PRH1: variants seen among roughly 807,000 people sequenced by gnomAD.
PRH1 encodes proline rich protein HaeIII subfamily 1.
Under a neutral mutation model 7.9 loss-of-function variants are expected in PRH1, and 7 were observed. The observed-to-expected ratio is 0.89, with a 90% CI of 0.50 to 1.67. The LOEUF is 1.67. PRH1 is among the 40% of genes most tolerant of loss of function. PRH1 has a pLI of 0.00. For synonymous variants in PRH1, 45 were observed against 80.8 expected, an observed-to-expected ratio of 0.56 and a Z score of 2.38; for missense variants, 109 against 223.6, an observed-to-expected ratio of 0.49 and a Z score of 3.27.
chr12:11,107,776 A>C (rs34423519), intron 1 of PRH1, among the ~76,000 whole-genome samples: 31,992 of 152,228 alleles, frequency 0.21, 3,952 homozygotes, highest in Non-Finnish European at 0.27. Context: ...AAAAGGGACT[A>C]CTGCAATTTG....
intron 2 of PRH1, among the ~76,000 whole-genome samples, chr12:10,903,165 A>T (rs1361352286): frequency 6.6e-6 from 1 of 152,220 alleles, no homozygotes; most frequent in African/African-American, 2.4e-5. Flanking sequence ...TTGTAGAAGG[A>T]TCTGTAACAC....
chr12:10,941,843 G>A (rs2135894430), intron 2 of PRH1, among the ~76,000 whole-genome samples: 1 of 152,222 alleles, frequency 6.6e-6, no homozygotes, highest in East Asian at 1.9e-4. Flanking sequence ...CTCCTCATTT[G>A]GGTAGGCTCT....
chr12:10,970,218 A>G (rs1353133057), intron 2 of PRH1, among the ~76,000 whole-genome samples: 1 of 152,212 alleles, frequency 6.6e-6, no homozygotes, highest in Non-Finnish European at 1.5e-5. Flanking sequence ...TTTTTTCTCT[A>G]ATAGAGAGCC....
Position 10,882,663 on chromosome 12 carries a change from G to C in PRH1, c.136C>G (p.Arg46Gly), listed in dbSNP as rs375938240. ...TGTCCTCCCAAAGGTGGTCCCTGACGCTCCTCATCTAGGAACTGCTCAGAG... is the reference window on the plus strand; with the variant it reads ...TGTCCTCCCAAAGGTGGTCCCTGACCCTCCTCATCTAGGAACTGCTCAGAG... ...GDSEQFLDEE[R>G]QGPPLGGQQS... The change falls in exon 3 of 4, where the codon CGT becomes GGT. Residue 46 changes from arginine (R) to glycine (G), a missense_variant. Coordinates refer to ENST00000543626, the MANE Select transcript of PRH1 (RefSeq NM_001393989.1). The C allele has an allele frequency of 6.3e-7, 1 of 1,581,612 alleles. No individual in the cohort carries two copies. The highest frequency in any genetic ancestry group is 1.3e-5 in the African/African-American group (1 of 74,540).
intron 2 of PRH1, among the ~76,000 whole-genome samples, chr12:10,971,857 T>A (rs969543344): frequency 1.3e-5 from 2 of 152,190 alleles, no homozygotes; most frequent in East Asian, 3.8e-4. Context: ...ATTACTCTTT[T>A]ATCATTCTAT....
chr12:11,128,993 G>A (rs1050498536), intron 1 of PRH1, among the ~76,000 whole-genome samples: 1 of 152,098 alleles, frequency 6.6e-6, no homozygotes, highest in Non-Finnish European at 1.5e-5. Flanking sequence ...CACAATCATA[G>A]CCCACTGCAG....
intron 2 of PRH1, among the ~76,000 whole-genome samples, chr12:10,926,883 G>A (rs192604506): frequency 6.6e-6 from 1 of 152,296 alleles, no homozygotes; most frequent in Non-Finnish European, 1.5e-5. Context: ...CAGGACCTCA[G>A]AATGTGAACA....
chr12:11,158,526 T>C (rs1947320395), intron 1 of PRH1, among the ~76,000 whole-genome samples: 2 of 152,180 alleles, frequency 1.3e-5, no homozygotes, highest in African/African-American at 2.4e-5. Flanking sequence ...TAAATGTTTA[T>C]CTTTTTCTCC....
intron 1 of PRH1, among the ~76,000 whole-genome samples, chr12:11,040,755 T>C (rs1942673163): frequency 6.6e-6 from 1 of 152,148 alleles, no homozygotes; most frequent in Non-Finnish European, 1.5e-5. Context: ...GACAGTACAA[T>C]AAGATATTAA....
At chr12:11,156,073 CCTTCTTGCAT>C (rs967375934) in intron 1 of PRH1, among the ~76,000 whole-genome samples, 3 of 152,112 alleles carry the variant, frequency 2.0e-5, no homozygotes, top group African/African-American at 7.2e-5. Flanking sequence ...TATTTTCATT[CCTTCTTGCAT>C]CTTCAACTTT....
chr12:11,020,345 G>A (rs1440454293), intron 1 of PRH1, among the ~76,000 whole-genome samples: 3 of 121,990 alleles, frequency 2.5e-5, no homozygotes, highest in Non-Finnish European at 5.1e-5. Context: ...ATTGTACTAG[G>A]GAGGACGTAT....
At chr12:11,036,352 T>C (rs916804340) in intron 1 of PRH1, among the ~76,000 whole-genome samples, 2 of 152,224 alleles carry the variant, frequency 1.3e-5, no homozygotes, top group African/African-American at 4.8e-5. Context: ...CTGGTGCTTC[T>C]ATGGAATTCC....
intron 2 of PRH1, chr12:10,938,637 A>T (rs1950334874): frequency 6.2e-7 from 1 of 1,613,870 alleles, no homozygotes; most frequent in Non-Finnish European, 8.5e-7. Context: ...GACAAAGTAA[A>T]GGGTATGAAA....
intron 2 of PRH1, among the ~76,000 whole-genome samples, chr12:10,900,511 T>C (rs1347378862): frequency 6.6e-6 from 1 of 151,832 alleles, no homozygotes; most frequent in Non-Finnish European, 1.5e-5. Context: ...TGGCCAGAAT[T>C]GTGGGGAAAA....
rs1381068271 is a variant in PRH1 at position 11,022,170 on chromosome 12, C to T, written c.-126+24850G>A. On this transcript the variant is annotated intron_variant, in intron 1 of 3. Transcript: ENST00000539853. Reference sequence around the variant, plus strand: ...TACAAATCAGAAATACCAAGGGCCCCAACAGTATCACCAGAACAACACTCT... The same window carrying T: ...TACAAATCAGAAATACCAAGGGCCCTAACAGTATCACCAGAACAACACTCT... 6.2e-6 allele frequency: 10 copies of T among 1,613,896 alleles called. No homozygotes were observed. The African/African-American group carries it at 8.0e-5, about 13-fold the overall frequency.
chr12:11,077,881 A>T (rs1944350064), intron 1 of PRH1: 1 of 986,092 alleles, frequency 1.0e-6, no homozygotes, highest in Non-Finnish European at 1.6e-6. Context: ...TCTCTTCTTT[A>T]GGTGGAGAAA....
intron 1 of PRH1, among the ~76,000 whole-genome samples, chr12:11,146,100 C>T (rs909808618): frequency 6.6e-6 from 1 of 152,056 alleles, no homozygotes; most frequent in Non-Finnish European, 1.5e-5. Context: ...TATGCTTCTA[C>T]CAGTAGTGAA....
intron 2 of PRH1, among the ~76,000 whole-genome samples, chr12:10,906,919 G>C (rs1040492064): frequency 3.9e-5 from 6 of 152,182 alleles, no homozygotes; most frequent in African/African-American, 9.7e-5. Context: ...AAGCTAAGTA[G>C]TTGGCAAAAG....
chr12:11,071,575 G>C (rs1446267582), intron 1 of PRH1, among the ~76,000 whole-genome samples: 1 of 152,172 alleles, frequency 6.6e-6, no homozygotes, highest in African/African-American at 2.4e-5. Context: ...CTCACAGGCA[G>C]GATTGCTCTC....
Sources: gnomAD v4.1 joint callset for allele counts (sites outside exome capture counted in the v4.1 genomes callset) on GRCh38, gnomAD v4.1.1 for gene constraint, MANE v1.5 for transcripts, NCBI Gene and HGNC (gene_info 2026-07-23, HGNC 2026-07-21) for gene names.